The following EXD3 variants were observed in gnomAD, a reference collection of about 807,000 sequenced individuals.
The protein encoded by EXD3 is exonuclease mut-7 homolog.
EXD3 carries 92 observed loss-of-function variants against 98.0 expected under a neutral mutation model. That is an observed-to-expected ratio of 0.94 (90% CI 0.79 to 1.12). The LOEUF (loss-of-function observed/expected upper bound fraction) is 1.12, where lower values mean the gene tolerates loss of function less well. Ranked by LOEUF, EXD3 falls within the 50% of genes most tolerant of loss-of-function variation. The probability of loss-of-function intolerance (pLI) is 0.00; values close to 1 mark genes in which losing one functional copy is unlikely to be tolerated. For missense variants in EXD3, 1,222 were observed against 1,191.6 expected, an observed-to-expected ratio of 1.03 and a Z score of -0.38; for synonymous variants, 569 against 526.0, an observed-to-expected ratio of 1.08 and a Z score of -1.12.
rs996878798 is a variant in EXD3 at position 137,385,684 on chromosome 9, C to A, written c.56-2307G>T. Reference sequence around the variant, plus strand: ...GAGTAGCTGGGAGTACAGGCGCTCACCGCTACGCCTGGCTAATTTTTGTAT... The same window carrying A: ...GAGTAGCTGGGAGTACAGGCGCTCAACGCTACGCCTGGCTAATTTTTGTAT... On this transcript the variant is annotated intron_variant, in intron 2 of 21. Coordinates refer to ENST00000340951, the MANE Select transcript of EXD3 (RefSeq NM_017820.5). This position sits in a 1 kb window ranked among gnomAD's most constrained non-coding sequence, Gnocchi z 4.4. 1.3e-5 allele frequency among the ~76,000 whole-genome samples: 2 copies of A among 152,126 alleles called. No individual in the cohort carries two copies. The highest frequency in any genetic ancestry group is 1.3e-4 in the Admixed American group (2 of 15,282).
Position 137,330,624 on chromosome 9 carries a change from A to ACACAGGAG in EXD3, c.1999-6482_1999-6481insCTCCTGTG, listed in dbSNP as rs1564482483. ...CAGGACTACACAGGACTACACAGGA[A>ACACAGGAG]CTACACAGGACTACACAGGAGCTAC... is the stretch of plus-strand genomic sequence containing the variant. On this transcript the variant is annotated intron_variant, in intron 17 of 21. Transcript: ENST00000340951. Among the ~76,000 whole-genome samples, 128 of 111,246 alleles carry ACACAGGAG rather than the reference A, an allele frequency of 1.2e-3. 15 individuals carry two copies. Among genetic ancestry groups the ACACAGGAG allele is most frequent in the Admixed American group, 1.8e-3 (21 of 11,946 alleles). 73.0% of individuals were successfully genotyped at this position (111,246 alleles called of 152,430 possible). A position where few individuals can be genotyped will look rare whatever the true frequency, so the allele number is the denominator to read the frequency against.
intron 17 of EXD3, among the ~76,000 whole-genome samples, chr9:137,344,342 G>A (rs1323655683): frequency 6.6e-6 from 1 of 152,076 alleles, no homozygotes; most frequent in African/African-American, 2.4e-5. Context: ...TGGTCAGTTG[G>A]GCCGATCTAG....
chr9:137,311,896 G>A (rs977580374), intron 19 of EXD3, among the ~76,000 whole-genome samples: 2 of 152,174 alleles, frequency 1.3e-5, no homozygotes, highest in African/African-American at 4.8e-5. Flanking sequence ...CCCAGCGCAC[G>A]TCTTGCCTTT....
At chr9:137,332,585 T>G (rs1301354495) in intron 17 of EXD3, among the ~76,000 whole-genome samples, 1 of 151,392 alleles carries the variant, frequency 6.6e-6, no homozygotes, top group Non-Finnish European at 1.5e-5. Flanking sequence ...GGCTCACGCC[T>G]GTAATCCCAG....
At chr9:137,417,490 C>T (rs1182735618) in intron 1 of EXD3, among the ~76,000 whole-genome samples, 1 of 152,198 alleles carries the variant, frequency 6.6e-6, no homozygotes, top group Non-Finnish European at 1.5e-5. Flanking sequence ...GGCCACACCC[C>T]ACAGCCCACC....
intron 7 of EXD3, among the ~76,000 whole-genome samples, chr9:137,363,905 G>A (rs962244505): frequency 3.9e-5 from 6 of 152,076 alleles, no homozygotes; most frequent in East Asian, 1.9e-4. Context: ...ATGTCTATAC[G>A]GTCTGTAATA....
At chr9:137,352,969 A>G in intron 10 of EXD3, 183 bp from the exon 11 acceptor site, 1 of 1,409,232 alleles carries the variant, frequency 7.1e-7, no homozygotes, top group Non-Finnish European at 9.2e-7. Flanking sequence ...CCACAGGACC[A>G]AAGCGGCTGA....
In EXD3 at chr9:137,345,628, C is replaced by G. The variant is rs577561185; in HGVS notation, c.1998+2443G>C. 11 of 142,856 alleles carry G rather than the reference C, an allele frequency of 7.7e-5. No homozygotes were observed. The Admixed American group carries it at 7.9e-4, about 10-fold the overall frequency. The allele number at this position is 142,856 out of a possible 1,614,324, so 8.8% of individuals were successfully genotyped here. On this transcript the variant is annotated intron_variant, in intron 17 of 21. Transcript: ENST00000340951. ...AGTGGGCCCAGGTAGCACCACTGCA[C>G]TCCAGCCTGGGCAACAGAGTGAGGC...
At chr9:137,312,934 T>C (rs1332473029) in intron 19 of EXD3, among the ~76,000 whole-genome samples, 4 of 151,724 alleles carry the variant, frequency 2.6e-5, no homozygotes, top group Non-Finnish European at 5.9e-5. Context: ...CCCACTTGGG[T>C]GTAGGGGTCA....
intron 17 of EXD3, among the ~76,000 whole-genome samples, chr9:137,337,460 G>T (rs1205370581): frequency 6.6e-6 from 1 of 152,060 alleles, no homozygotes; most frequent in African/African-American, 2.4e-5. Context: ...AGACCAGCCT[G>T]GCCAATATGG....
At chr9:137,419,441 G>A (rs1588449490) in intron 1 of EXD3, among the ~76,000 whole-genome samples, 7 of 152,082 alleles carry the variant, frequency 4.6e-5, no homozygotes, top group African/African-American at 1.7e-4. Context: ...AGGCTGAGGC[G>A]GGTGGATCAC....
chr9:137,408,255 T>G (rs979687265), intron 1 of EXD3, among the ~76,000 whole-genome samples: 1 of 151,848 alleles, frequency 6.6e-6, no homozygotes, highest in Non-Finnish European at 1.5e-5. Flanking sequence ...TAAGAGGGCT[T>G]TGGGGTGGGG....
chr9:137,398,249 G>A (rs1020129545), intron 1 of EXD3, among the ~76,000 whole-genome samples: 4 of 152,316 alleles, frequency 2.6e-5, no homozygotes, highest in Admixed American at 6.5e-5. Flanking sequence ...GAACGGCCCC[G>A]TCTGCAGCAC....
At chr9:137,383,957 C>A (rs1237636305) in intron 2 of EXD3, among the ~76,000 whole-genome samples, 4 of 152,208 alleles carry the variant, frequency 2.6e-5, no homozygotes, top group Non-Finnish European at 5.9e-5. Flanking sequence ...CCAGACAGAA[C>A]CCAGGGGCTG....
chr9:137,348,527 G>A (rs1463841433), intron 16 of EXD3, among the ~76,000 whole-genome samples: 1 of 135,504 alleles, frequency 7.4e-6, no homozygotes, highest in Admixed American at 7.2e-5. Flanking sequence ...ATAGAGAGGG[G>A]TGGGGATCAC....
chr9:137,333,889 G>C (rs1833223507), intron 17 of EXD3, among the ~76,000 whole-genome samples: 1 of 151,884 alleles, frequency 6.6e-6, no homozygotes, highest in East Asian at 1.9e-4. Flanking sequence ...CCAGGCTGGA[G>C]TACAGTGCAG....
rs1052342698 is a variant in EXD3, at chr9:137,371,242, C to A, written c.462+1663G>T. Among the ~76,000 whole-genome samples, 2 of 152,240 alleles carry A rather than the reference C, an allele frequency of 1.3e-5. No individual in the cohort carries two copies. The highest frequency in any genetic ancestry group is 2.9e-5 in the Non-Finnish European group (2 of 68,026). On this transcript the variant is annotated intron_variant, in intron 5 of 21. Transcript: ENST00000340951. The surrounding 1 kb of genome is among the most constrained non-coding windows in gnomAD (Gnocchi z 8.0). ...TCCCTGCACTCTCCGCAGGCACGGC[C>A]GCCATTCAGCGTCGCGCCACATGAG...
intron 3 of EXD3, among the ~76,000 whole-genome samples, chr9:137,379,297 C>T (rs190532915): frequency 2.3e-3 from 11 of 4,854 alleles, no homozygotes; most frequent in South Asian, 6.1e-3. Context: ...TGACGGTGAC[C>T]GTTGCCTGGG....
chr9:137,355,787 GC>G (rs1834748197), intron 8 of EXD3, among the ~76,000 whole-genome samples: 1 of 152,066 alleles, frequency 6.6e-6, no homozygotes, highest in Non-Finnish European at 1.5e-5. Flanking sequence ...CCAGGTGCCA[GC>G]CTGTACCCTC....
Sources: allele counts gnomAD v4.1 joint callset (sites outside exome capture counted in the v4.1 genomes callset), GRCh38; gene constraint gnomAD v4.1.1; non-coding constraint Gnocchi (gnomAD v3.1); transcripts MANE v1.5; gene names NCBI Gene and HGNC (gene_info 2026-07-23, HGNC 2026-07-21).